PDZD2: variants seen among roughly 807,000 people sequenced by gnomAD.
PDZD2 encodes PDZ domain-containing protein 2.
PDZD2 carries 90 observed loss-of-function variants against 220.7 expected under a neutral mutation model. The observed-to-expected ratio is 0.41, with a 90% CI of 0.34 to 0.49. The LOEUF (loss-of-function observed/expected upper bound fraction) is 0.49. PDZD2 is among the 20% of genes least tolerant of loss of function. The probability of loss-of-function intolerance (pLI) is 0.28; values close to 1 mark genes in which losing one functional copy is unlikely to be tolerated. For synonymous variants in PDZD2, 1,375 were observed against 1,450.5 expected (o/e 0.95, Z 1.18); for missense variants, 3,174 against 3,608.5 (o/e 0.88, Z 3.08).
chr5:32,003,278 C>CA (rs1752464101), intron 5 of PDZD2, among the ~76,000 whole-genome samples: 1 of 140,492 alleles, frequency 7.1e-6, no homozygotes, highest in East Asian at 2.2e-4. Flanking sequence ...CACACACACA[C>CA]CACACACACA....
intron 6 of PDZD2, among the ~76,000 whole-genome samples, chr5:32,020,406 C>T (rs1303695872): frequency 6.6e-6 from 1 of 152,296 alleles, no homozygotes; most frequent in East Asian, 1.9e-4. Context: ...AATAACCACA[C>T]GAAGTGGGAA....
intron 2 of PDZD2, among the ~76,000 whole-genome samples, chr5:31,933,880 A>G (rs568012187): frequency 1.3e-5 from 2 of 152,298 alleles, no homozygotes; most frequent in Non-Finnish European, 2.9e-5. Context: ...AGAGCCCCAG[A>G]TGCCTGTCAT....
rs1581524148 is a variant in PDZD2 at position 32,109,977 on chromosome 5, A to G, written c.*1842A>G. The G allele has an allele frequency of 1.3e-5, 2 of 152,598 alleles. No homozygotes were observed. Among genetic ancestry groups the G allele is most frequent in the South Asian group, 4.1e-4 (2 of 4,824 alleles). The allele number at this position is 152,598 out of a possible 1,614,324, so 9.5% of individuals were successfully genotyped here. A position where few individuals can be genotyped will look rare whatever the true frequency, so the allele number is the denominator to read the frequency against. Reference sequence around the variant, plus strand: ...GAAAGGTCTTATTGATTTTACTTCTACTTTTCACTACAGTTACAGGTAGAA... The same window carrying G: ...GAAAGGTCTTATTGATTTTACTTCTGCTTTTCACTACAGTTACAGGTAGAA... On this transcript the variant is annotated 3_prime_UTR_variant, in exon 25 of 25. Transcript: ENST00000438447.
intron 2 of PDZD2, among the ~76,000 whole-genome samples, chr5:31,887,580 C>G (rs575967419): frequency 2.6e-4 from 40 of 152,298 alleles, no homozygotes; most frequent in African/African-American, 9.4e-4. Flanking sequence ...TTCCTGAGAT[C>G]TGCAGAGTCT....
In PDZD2 at chr5:31,750,800, C is replaced by T. The variant is rs963056705; in HGVS notation, c.-360-48089C>T. On this transcript the variant is annotated intron_variant, in intron 1 of 24. Coordinates refer to ENST00000438447, the MANE Select transcript of PDZD2 (RefSeq NM_178140.4). ...GCACTTGGCAGGCGCTCAGTAAATA[C>T]CTGATTGACTGTGGCTGGAGTGGAG... is the stretch of plus-strand genomic sequence containing the variant. 3.3e-5 allele frequency among the ~76,000 whole-genome samples: 5 copies of T among 152,240 alleles called. No homozygotes were observed. The East Asian group carries it at 7.7e-4, about 24-fold the overall frequency.
intron 2 of PDZD2, among the ~76,000 whole-genome samples, chr5:31,870,086 C>G (rs572393322): frequency 6.6e-6 from 1 of 152,314 alleles, no homozygotes. Flanking sequence ...GGAGAGGCAC[C>G]TGTTTCTGTG....
At chr5:31,965,391 C>T (rs529727411) in intron 2 of PDZD2, among the ~76,000 whole-genome samples, 10 of 152,022 alleles carry the variant, frequency 6.6e-5, no homozygotes, top group South Asian at 2.1e-4. Flanking sequence ...CTCACCCTAG[C>T]CTTTTAATAT....
chr5:32,072,467 A>C, intron 17 of PDZD2, 150 bp downstream of exon 17: 15 of 645,552 alleles, frequency 2.3e-5, no homozygotes, highest in Non-Finnish European at 3.4e-5. Context: ...GCGGTGGCTC[A>C]CGCCTGTAAT....
At position 32,087,695 on chromosome 5, in the gene PDZD2, C is replaced by G. The variant is rs764398836; in HGVS notation, c.4247C>G (p.Pro1416Arg). 5.0e-6 allele frequency: 8 copies of G among 1,613,662 alleles called. No individual in the cohort carries two copies. Among genetic ancestry groups the G allele is most frequent in the Non-Finnish European group, 3.4e-6 (4 of 1,179,762 alleles). ...ACGHVSGHCC[P>R]GGSRESPVTD... The stretch of plus-strand genomic sequence containing the variant: ...GGCCATGTCTCGGGGCACTGCTGCC[C>G]AGGGGGGAGTAGAGAGAGCCCTGTG... The change falls in exon 20 of 25, where the codon CCA becomes CGA. Residue 1416 changes from proline to arginine, a missense_variant. Pro to Arg is a moderately radical substitution (Grantham distance 103, BLOSUM62 -2). This residue lies in a region of PDZD2 where 1,861 missense variants were observed against 2,001.0 expected (regional missense o/e 0.93). Transcript: ENST00000438447. The surrounding 1 kb of genome is among the most constrained non-coding windows in gnomAD (Gnocchi z 4.0).
chr5:31,688,257 A>C (rs993079877), intron 1 of PDZD2, among the ~76,000 whole-genome samples: 1 of 151,926 alleles, frequency 6.6e-6, no homozygotes, highest in African/African-American at 2.4e-5. Context: ...AAAAAAACTC[A>C]GTTGTCAAAG....
chr5:31,658,156 T>G (rs1355449945), intron 1 of PDZD2, among the ~76,000 whole-genome samples: 1 of 152,200 alleles, frequency 6.6e-6, no homozygotes, highest in African/African-American at 2.4e-5. Flanking sequence ...ATCCACAGGC[T>G]GGCAGACAGG....
intron 1 of PDZD2, chr5:31,725,395 C>A: frequency 3.4e-6 from 3 of 878,470 alleles, no homozygotes; most frequent in Non-Finnish European, 3.1e-6. Flanking sequence ...TTAATTATAA[C>A]CATTGCCTGA....
At chr5:32,076,288 GAAA>G (rs67898034) in intron 18 of PDZD2, among the ~76,000 whole-genome samples, 39 of 87,906 alleles carry the variant, frequency 4.4e-4, no homozygotes, top group East Asian at 1.5e-3. Flanking sequence ...TCGGTCTCAA[GAAA>G]AAAAAAAAAA....
intron 1 of PDZD2, among the ~76,000 whole-genome samples, chr5:31,667,603 A>G (rs146881628): frequency 3.8e-3 from 584 of 152,136 alleles, no homozygotes; most frequent in Non-Finnish European, 6.5e-3. Flanking sequence ...GCCACCAAGA[A>G]GGAACAGCCA....
rs1418139151 is a variant in PDZD2, at chr5:31,849,918, A to T, written c.476+50194A>T. On this transcript the variant is annotated intron_variant, in intron 2 of 24. Transcript: ENST00000438447. The stretch of plus-strand genomic sequence containing the variant: ...TATATATATATACATATATATATAT[A>T]CATATATATATATACACATATATAT... Among the ~76,000 whole-genome samples the T allele has an allele frequency of 4.2e-3, 99 of 23,322 alleles. 13 individuals are homozygous for T. Among genetic ancestry groups the T allele is most frequent in the East Asian group, 0.014 (13 of 944 alleles). 15.3% of individuals were successfully genotyped at this position (23,322 alleles called of 152,430 possible).
chr5:31,825,043 C>A lies in PDZD2; in HGVS notation c.476+25319C>A, dbSNP rs191736437. Among the ~76,000 whole-genome samples the A allele has an allele frequency of 1.5e-3, 232 of 152,284 alleles. 1 individual carries two copies. The highest frequency in any genetic ancestry group is 5.5e-3 in the African/African-American group (228 of 41,560). ...TAGTATCACATGACACTGGCCCTGT[C>A]TCCCTACACACGCCCACGCATCCCC... On this transcript the variant is annotated intron_variant, in intron 2 of 24. Transcript: ENST00000438447.
At chr5:31,971,631 G>A (rs1581187346) in intron 2 of PDZD2, among the ~76,000 whole-genome samples, 2 of 152,300 alleles carry the variant, frequency 1.3e-5, no homozygotes, top group Non-Finnish European at 2.9e-5. Context: ...ATTCTACAGT[G>A]AGCCACCTTT....
At chr5:31,971,447 T>C (rs1367562571) in intron 2 of PDZD2, among the ~76,000 whole-genome samples, 1 of 152,222 alleles carries the variant, frequency 6.6e-6, no homozygotes, top group African/African-American at 2.4e-5. Flanking sequence ...CACCTCTTAA[T>C]GCTATCACAT....
chr5:31,852,816 C>T (rs184480986), intron 2 of PDZD2, among the ~76,000 whole-genome samples: 1 of 152,270 alleles, frequency 6.6e-6, no homozygotes, highest in Admixed American at 6.5e-5. Flanking sequence ...AGGCTGGTCT[C>T]GAACTCCTGA....
Sources: gnomAD v4.1 joint callset for allele counts (sites outside exome capture counted in the v4.1 genomes callset) on GRCh38, gnomAD v4.1.1 for gene constraint, gnomAD v4.1.1 regional missense constraint, Gnocchi (gnomAD v3.1) non-coding constraint, MANE v1.5 for transcripts, NCBI Gene and HGNC (gene_info 2026-07-23, HGNC 2026-07-21) for gene names.